The following KIF3B variants were observed in gnomAD, a reference collection of about 807,000 sequenced individuals.
The protein encoded by KIF3B is kinesin family member 3B.
In KIF3B, 38 loss-of-function variants were observed where a neutral mutation model predicts 74.3. The observed-to-expected ratio is 0.51, with a 90% confidence interval of 0.39 to 0.67. KIF3B has a LOEUF of 0.67. Among genes scored for constraint, KIF3B ranks in the 30% least tolerant of loss-of-function variants. The pLI is 0.00. For missense variants in KIF3B, 649 were observed against 932.0 expected (o/e 0.70, Z 3.95); for synonymous variants, 326 against 342.5 (o/e 0.95, Z 0.53).
intron 1 of KIF3B, among the ~76,000 whole-genome samples, chr20:32,297,001 A>T (rs556180263): frequency 6.6e-6 from 1 of 152,086 alleles, no homozygotes; most frequent in Non-Finnish European, 1.5e-5. Context: ...AGTAGTGTTG[A>T]TGGTGATGAG....
chr20:32,322,018 A>G (rs1188230313), intron 5 of KIF3B, among the ~76,000 whole-genome samples: 1 of 152,104 alleles, frequency 6.6e-6, no homozygotes, highest in African/African-American at 2.4e-5. Flanking sequence ...CTACATTTTA[A>G]GGTCAGCTTG....
intron 1 of KIF3B, among the ~76,000 whole-genome samples, chr20:32,292,602 AAAAAG>A (rs1569190720): frequency 6.7e-6 from 1 of 150,364 alleles, no homozygotes; most frequent in Non-Finnish European, 1.5e-5. Context: ...AAAAAAAAAA[AAAAAG>A]AAAAGTCGGG....
intron 1 of KIF3B, among the ~76,000 whole-genome samples, chr20:32,285,606 T>A (rs1171904527): frequency 6.6e-6 from 1 of 152,230 alleles, no homozygotes; most frequent in Admixed American, 6.5e-5. Flanking sequence ...TGCTACTTGC[T>A]GTGTGACTTG....
intron 1 of KIF3B, among the ~76,000 whole-genome samples, chr20:32,299,661 G>A (rs4911214): frequency 6.6e-6 from 1 of 151,284 alleles, no homozygotes. Context: ...ATCCTCCGGC[G>A]TCAGCCTCCC....
At position 32,292,583 on chromosome 20, in the gene KIF3B, G is replaced by GAAAAAAA. The variant is rs71185398; in HGVS notation, c.-66+14835_-66+14841dup. 1.7e-3 allele frequency among the ~76,000 whole-genome samples: 120 copies of GAAAAAAA among 71,770 alleles called. 1 individual carries two copies. Among genetic ancestry groups the GAAAAAAA allele is most frequent in the Non-Finnish European group, 2.2e-3 (78 of 35,476 alleles). 47.1% of individuals were successfully genotyped at this position (71,770 alleles called of 152,430 possible). A position where few individuals can be genotyped will look rare whatever the true frequency, so the allele number is the denominator to read the frequency against. On this transcript the variant is annotated intron_variant, in intron 1 of 8. Coordinates refer to ENST00000375712, the MANE Select transcript of KIF3B (RefSeq NM_004798.4). ...TGAAACCTCGTCTCTACTAAAAATAGAAAAAAAAAAAAAAAAAAAAAAAGA... is the reference window on the plus strand; with the variant it reads ...TGAAACCTCGTCTCTACTAAAAATAGAAAAAAAAAAAAAAAAAAAAAAAAAAAAAAGA...
chr20:32,306,344 C>T (rs2047770889), intron 1 of KIF3B, among the ~76,000 whole-genome samples: 1 of 151,664 alleles, frequency 6.6e-6, no homozygotes, highest in African/African-American at 2.4e-5. Flanking sequence ...TGCAGTGAGC[C>T]AAGATCACAC....
intron 1 of KIF3B, among the ~76,000 whole-genome samples, chr20:32,298,559 A>C (rs903525289): frequency 2.0e-5 from 3 of 152,214 alleles, no homozygotes; most frequent in African/African-American, 7.2e-5. Flanking sequence ...ATTACAGATA[A>C]AGTTGAAATA....
chr20:32,312,958 T>C (rs2047808768), intron 2 of KIF3B, among the ~76,000 whole-genome samples: 7 of 152,208 alleles, frequency 4.6e-5, no homozygotes, highest in Admixed American at 3.3e-4. Context: ...TTGCATATAG[T>C]ATAGCCTCTC....
chr20:32,301,747 C>G (rs775643628), intron 1 of KIF3B, among the ~76,000 whole-genome samples: 34 of 152,274 alleles, frequency 2.2e-4, no homozygotes, highest in Non-Finnish European at 4.7e-4. Context: ...TGTGACCTCT[C>G]TCTTACGCTT....
intron 1 of KIF3B, among the ~76,000 whole-genome samples, chr20:32,301,410 T>C (rs994588033): frequency 6.7e-6 from 1 of 150,260 alleles, no homozygotes; most frequent in South Asian, 2.1e-4. Context: ...GTAGTTCTGC[T>C]CTTGTCAACT....
chr20:32,296,054 G>A (rs1488120877), intron 1 of KIF3B, among the ~76,000 whole-genome samples: 1 of 151,278 alleles, frequency 6.6e-6, no homozygotes, highest in Non-Finnish European at 1.5e-5. Flanking sequence ...TAGTAGAGAC[G>A]GGGTTTCACC....
At chr20:32,323,152 T>TTTATATATTTACA (rs2047883935) in intron 5 of KIF3B, among the ~76,000 whole-genome samples, 1 of 34,638 alleles carries the variant, frequency 2.9e-5, no homozygotes, top group South Asian at 8.5e-4. Flanking sequence ...ATTTATATAT[T>TTTATATATTTACA]TATATTTATA....
intron 1 of KIF3B, among the ~76,000 whole-genome samples, chr20:32,288,313 A>AC (rs1254566106): frequency 2.0e-5 from 3 of 151,880 alleles, no homozygotes; most frequent in African/African-American, 4.8e-5. Flanking sequence ...GCATAGTGAG[A>AC]CCCCATCTAT....
At chr20:32,314,004 T>G (rs2047814533) in intron 2 of KIF3B, among the ~76,000 whole-genome samples, 1 of 151,802 alleles carries the variant, frequency 6.6e-6, no homozygotes, top group Non-Finnish European at 1.5e-5. Context: ...CACCGCACCC[T>G]TATGTCCGGC....
chr20:32,321,786 T>C (rs1383406193), intron 5 of KIF3B, among the ~76,000 whole-genome samples: 1 of 152,190 alleles, frequency 6.6e-6, no homozygotes, highest in Non-Finnish European at 1.5e-5. Context: ...GCATATGCTC[T>C]CTTCATGTCT....
intron 1 of KIF3B, among the ~76,000 whole-genome samples, chr20:32,308,960 C>A (rs2047786344): frequency 6.6e-6 from 1 of 151,924 alleles, no homozygotes; most frequent in Non-Finnish European, 1.5e-5. Flanking sequence ...CGTGATCCAC[C>A]CGCCTCGGCC....
rs2047796489 is a variant in KIF3B at position 32,310,853 on chromosome 20, A to G, written c.1076A>G (p.Gln359Arg). 1 of 1,612,072 alleles carries G rather than the reference A, an allele frequency of 6.2e-7. No individual in the cohort carries two copies. Among genetic ancestry groups the G allele is most frequent in the African/African-American group, 1.3e-5 (1 of 74,708 alleles). ...DPKDALLREFQEEIARLKAQL... is the reference protein window; with the variant it reads ...DPKDALLREFREEIARLKAQL... ...AAGGATGCCCTCCTTCGAGAATTCCAGGAAGAGATTGCTCGGCTCAAGGCC... is the reference window on the plus strand; with the variant it reads ...AAGGATGCCCTCCTTCGAGAATTCCGGGAAGAGATTGCTCGGCTCAAGGCC... Residue 359 changes from glutamine to arginine, a missense_variant, in exon 2 of 9, where the codon CAG becomes CGG. Gln to Arg is a conservative substitution (Grantham distance 43, BLOSUM62 1). Around this residue, in one of 4 missense-constraint regions of KIF3B, gnomAD observed 363 missense variants for 592.8 expected, o/e 0.61. Transcript: ENST00000375712. This position sits in a 1 kb window ranked among gnomAD's most constrained non-coding sequence, Gnocchi z 6.5.
At chr20:32,329,718 A>G (rs1004779113) in intron 7 of KIF3B, among the ~76,000 whole-genome samples, 16 of 151,944 alleles carry the variant, frequency 1.1e-4, no homozygotes, top group African/African-American at 2.7e-4. Context: ...TGAAATGTAA[A>G]CTGTTTTTCT....
chr20:32,326,077 G>T (rs766960579), intron 5 of KIF3B, among the ~76,000 whole-genome samples: 1 of 151,936 alleles, frequency 6.6e-6, no homozygotes, highest in African/African-American at 2.4e-5. Flanking sequence ...TTTCCTTTTG[G>T]CATTGTTTTG....
Sources: gnomAD v4.1 joint callset for allele counts (sites outside exome capture counted in the v4.1 genomes callset) on GRCh38, gnomAD v4.1.1 for gene constraint, gnomAD v4.1.1 regional missense constraint, Gnocchi (gnomAD v3.1) non-coding constraint, MANE v1.5 for transcripts, NCBI Gene and HGNC (gene_info 2026-07-23, HGNC 2026-07-21) for gene names.